The following RLIM variants were observed in gnomAD, a reference collection of about 807,000 sequenced individuals.
RLIM encodes the protein E3 ubiquitin-protein ligase RLIM.
RLIM carries 2 observed loss-of-function variants against 34.0 expected under a neutral mutation model. That is an observed-to-expected ratio of 0.06 (90% CI 0.02 to 0.19). The LOEUF (loss-of-function observed/expected upper bound fraction) is 0.19. Among genes scored for constraint, RLIM ranks in the 10% least tolerant of loss-of-function variants. The pLI is 1.00. For synonymous variants in RLIM, 169 were observed against 164.0 expected, an observed-to-expected ratio of 1.03 and a Z score of -0.23; for missense variants, 286 against 479.7, an observed-to-expected ratio of 0.60 and a Z score of 3.77.
chrX:74,610,666 C>T (rs781124103), intron 1 of RLIM, among the ~76,000 whole-genome samples: 2 of 109,606 alleles, frequency 1.8e-5, no homozygotes, highest in Non-Finnish European at 3.8e-5. Context: ...CCAAGGTGGG[C>T]AGATCACAAG....
chrX:74,607,484 CG>C (rs1248105764), intron 1 of RLIM, among the ~76,000 whole-genome samples: 2 of 112,919 alleles, frequency 1.8e-5, no homozygotes, highest in Admixed American at 1.9e-4. Context: ...CCGACGCGGG[CG>C]GATCACCTGA....
chrX:74,599,608 G>A (rs1207973509), intron 1 of RLIM, among the ~76,000 whole-genome samples: 1 of 111,140 alleles, frequency 9.0e-6, no homozygotes, highest in Non-Finnish European at 1.9e-5. Context: ...GAGTTCCTTT[G>A]TCCTTTTGCC....
chrX:74,587,770 T>C lies in RLIM; in HGVS notation c.*3670A>G, dbSNP rs1280887888. 8.9e-6 allele frequency: 1 copy of C among 111,876 alleles called. No homozygotes were observed. The highest frequency in any genetic ancestry group is 3.3e-5 in the African/African-American group (1 of 30,753). 9.2% of individuals were successfully genotyped at this position (111,876 alleles called of 1,213,427 possible). On this transcript the variant is annotated 3_prime_UTR_variant, in exon 4 of 4. Coordinates refer to ENST00000332687, the MANE Select transcript of RLIM (RefSeq NM_016120.4). ...AAGCATATTATGTGATAACCCTTCA[T>C]AAATATAATTTGAGACACTGACACT...
At chrX:74,594,241 T>C (rs1338162583) in intron 3 of RLIM, 65 bp downstream of exon 3, 2 of 790,077 alleles carry the variant, frequency 2.5e-6, no homozygotes, top group Non-Finnish European at 1.8e-6. Context: ...TTGGCTGACA[T>C]TTACTATTAC....
In RLIM at chrX:74,589,897, T is replaced by C. The variant is rs1294719393; in HGVS notation, c.*1543A>G. On this transcript the variant is annotated 3_prime_UTR_variant, in exon 4 of 4. Transcript: ENST00000332687. ...TTACTACTAAGAAACCAACATAAAG[T>C]GCATGTCCATAGATAGCGAGTCAGC... is the stretch of plus-strand genomic sequence containing the variant. 8.9e-6 allele frequency: 1 copy of C among 112,284 alleles called. No homozygotes were observed. Among genetic ancestry groups the C allele is most frequent in the Non-Finnish European group, 1.9e-5 (1 of 53,277 alleles). 9.3% of individuals were successfully genotyped at this position (112,284 alleles called of 1,213,427 possible).
In RLIM at chrX:74,594,404, C is replaced by G; in HGVS notation, c.170-15G>C. ...AGTACTTTCACCTGAAATTTAACAC[C>G]ACAGGGCAAAGATGACATTAGGGGT... On this transcript the variant is annotated splice_polypyrimidine_tract_variant and intron_variant, in intron 2 of 3. Coordinates refer to ENST00000332687, the MANE Select transcript of RLIM (RefSeq NM_016120.4). 1 of 1,145,126 alleles carries G rather than the reference C, an allele frequency of 8.7e-7. No individual in the cohort carries two copies. The highest frequency in any genetic ancestry group is 3.0e-5 in the East Asian group (1 of 33,214). The allele number at this position is 1,145,126 out of a possible 1,213,427, so 94.4% of individuals were successfully genotyped here. A position where few individuals can be genotyped will look rare whatever the true frequency, so the allele number is the denominator to read the frequency against.
chrX:74,614,163 C>G (rs1243563938), intron 1 of RLIM, among the ~76,000 whole-genome samples: 1 of 101,805 alleles, frequency 9.8e-6, no homozygotes, highest in East Asian at 3.2e-4. Context: ...TGGGCTGCAG[C>G]TCGCGCGGCC....
chrX:74,594,497 A>AT (rs2079630822), intron 2 of RLIM, 108 bp from the exon 3 acceptor site: 2 of 537,746 alleles, frequency 3.7e-6, no homozygotes, highest in Non-Finnish European at 5.5e-6. Flanking sequence ...AAAAAATCAT[A>AT]TTTTTAAAAG....
Position 74,592,912 on chromosome X carries a change from A to G in RLIM, c.403T>C (p.Phe135Leu). Residue 135 changes from phenylalanine (F) to leucine (L), a missense_variant, in exon 4 of 4, where the codon TTC becomes CTC. Phe to Leu is a conservative substitution (Grantham distance 22). Transcript: ENST00000332687. The part of the protein sequence containing the change: ...VSRTNPNSGD[F>L]RFSLEINVNR... ...ACATTTATCTCTAAACTGAATCTGA[A>G]ATCACCACTGTTTGGATTAGTCCGA... The G allele has an allele frequency of 8.3e-7, 1 of 1,211,505 alleles. No individual in the cohort carries two copies. The highest frequency in any genetic ancestry group is 1.1e-6 in the Non-Finnish European group (1 of 895,271).
In RLIM at chrX:74,586,495, G is replaced by A. The variant is rs974822184; in HGVS notation, c.*4945C>T. On this transcript the variant is annotated 3_prime_UTR_variant, in exon 4 of 4. Coordinates refer to ENST00000332687, the MANE Select transcript of RLIM (RefSeq NM_016120.4). The stretch of plus-strand genomic sequence containing the variant: ...TAAATAATTTTTAGAATGTTGGAGG[G>A]TATGCCTATTTCCTTCAGATCTGAT... The A allele has an allele frequency of 8.9e-6, 1 of 112,120 alleles. No homozygotes were observed. The highest frequency in any genetic ancestry group is 3.2e-5 in the African/African-American group (1 of 30,868). 9.2% of individuals were successfully genotyped at this position (112,120 alleles called of 1,213,427 possible). A position where few individuals can be genotyped will look rare whatever the true frequency, so the allele number is the denominator to read the frequency against.
At chrX:74,598,230 T>G (rs925813770) in intron 1 of RLIM, among the ~76,000 whole-genome samples, 1 of 111,697 alleles carries the variant, frequency 9.0e-6, no homozygotes, top group African/African-American at 3.3e-5. Flanking sequence ...CAAAATAAAT[T>G]TCCTTATTTC....
At position 74,584,640 on chromosome X, in the gene RLIM, G is replaced by C. The variant is rs1931302169; in HGVS notation, c.*6800C>G. On this transcript the variant is annotated 3_prime_UTR_variant, in exon 4 of 4. Transcript: ENST00000332687. ...AACCCAGGCTGGAGTGCATCAGCAT[G>C]ATCATGGCTCACTGCAGCCTTGACC... Among the ~76,000 whole-genome samples, 1 of 110,892 alleles carries C rather than the reference G, an allele frequency of 9.0e-6. No homozygotes were observed. Among genetic ancestry groups the C allele is most frequent in the South Asian group, 3.8e-4 (1 of 2,616 alleles).
chrX:74,592,400 G>A lies in RLIM; in HGVS notation c.915C>T (p.Ala305=), dbSNP rs780577646. Residue 305 remains alanine, a synonymous_variant, in exon 4 of 4, where the codon GCC becomes GCT. Coordinates refer to ENST00000332687, the MANE Select transcript of RLIM (RefSeq NM_016120.4). ...GTCCTGATCCTGTAGATTCACCACT[G>A]GCAGCTGTGTCTGAAGAACCTGCTC... The part of the protein sequence containing the change: ...SQGAGSSDTA[A]SGESTGSGQR... 2 of 1,211,475 alleles carry A rather than the reference G, an allele frequency of 1.7e-6. No homozygotes were observed. The highest frequency in any genetic ancestry group is 3.5e-5 in the South Asian group (2 of 56,965).
intron 1 of RLIM, among the ~76,000 whole-genome samples, chrX:74,611,291 C>T (rs1394460629): frequency 9.0e-6 from 1 of 111,619 alleles, no homozygotes; most frequent in East Asian, 2.8e-4. Context: ...TCCACCATGG[C>T]CATGGAAAAA....
intron 1 of RLIM, chrX:74,612,610 C>T (rs2079716398): frequency 9.1e-6 from 1 of 110,289 alleles, no homozygotes; most frequent in South Asian, 3.8e-4. Flanking sequence ...TATTGAAATA[C>T]AATAAACTGG....
At position 74,585,356 on chromosome X, in the gene RLIM, A is replaced by G. The variant is rs764662067; in HGVS notation, c.*6084T>C. On this transcript the variant is annotated 3_prime_UTR_variant, in exon 4 of 4. Coordinates refer to ENST00000332687, the MANE Select transcript of RLIM (RefSeq NM_016120.4). ...CCACACTCATAGCAGTGAGGGGAAT[A>G]AAAATCAAGGTTGCACTGTAATTCC... 4.5e-5 allele frequency: 5 copies of G among 112,186 alleles called. No homozygotes were observed. The East Asian group carries it at 1.4e-3, about 31-fold the overall frequency. 9.2% of individuals were successfully genotyped at this position (112,186 alleles called of 1,213,427 possible).
intron 2 of RLIM, among the ~76,000 whole-genome samples, chrX:74,595,378 A>G (rs1310780732): frequency 8.9e-6 from 1 of 112,219 alleles, no homozygotes; most frequent in Non-Finnish European, 1.9e-5. Flanking sequence ...ATAATTAAGC[A>G]CAAACTTCTA....
rs376017156 is a variant in RLIM, at chrX:74,591,938, C to G, written c.1377G>C (p.Ser459=). 1.7e-5 allele frequency: 20 copies of G among 1,208,758 alleles called. No homozygotes were observed. Among genetic ancestry groups the G allele is most frequent in the African/African-American group, 1.1e-4 (6 of 57,017 alleles). The change falls in exon 4 of 4, where the codon TCG becomes TCC. Residue 459 remains serine (S), a synonymous_variant. Coordinates refer to ENST00000332687, the MANE Select transcript of RLIM (RefSeq NM_016120.4). ...TGGAACTCGAACTGGAACTGGAACT[C>G]GAACTGGAACCAGAACTACTACCAC... ...SGGGSSSGSS[S]SSSSSSSSSS...
At chrX:74,604,340 A>C (rs994296389) in intron 1 of RLIM, among the ~76,000 whole-genome samples, 8 of 111,011 alleles carry the variant, frequency 7.2e-5, no homozygotes, top group African/African-American at 2.0e-4. Context: ...TAAAAAAAAA[A>C]CTTAAAATTT....
Sources: allele counts gnomAD v4.1 joint callset (sites outside exome capture counted in the v4.1 genomes callset), GRCh38; gene constraint gnomAD v4.1.1; transcripts MANE v1.5; gene names NCBI Gene and HGNC (gene_info 2026-07-23, HGNC 2026-07-21).